The following ZNF639 variants were observed in gnomAD, a reference collection of about 807,000 sequenced individuals.
ZNF639 encodes zinc finger protein 639.
In ZNF639, 20 loss-of-function variants were observed where a neutral mutation model predicts 39.8. The ratio of observed to expected loss-of-function variants is 0.50; its 90% confidence interval spans 0.35 to 0.73. The LOEUF (loss-of-function observed/expected upper bound fraction) is 0.73. Among genes scored for constraint, ZNF639 ranks in the 30% least tolerant of loss-of-function variants. The probability of loss-of-function intolerance (pLI) is 0.00; values close to 1 mark genes in which losing one functional copy is unlikely to be tolerated. For synonymous variants in ZNF639, 176 were observed against 189.8 expected (o/e 0.93, Z 0.60); for missense variants, 477 against 566.2 (o/e 0.84, Z 1.60).
At chr3:179,324,285 G>A (rs1382283937) in intron 1 of ZNF639, among the ~76,000 whole-genome samples, 1 of 152,056 alleles carries the variant, frequency 6.6e-6, no homozygotes, top group East Asian at 1.9e-4. Flanking sequence ...TTTGTGCATA[G>A]ACTTTCTTGT....
At chr3:179,327,301 T>C (rs1727649830) in intron 1 of ZNF639, among the ~76,000 whole-genome samples, 1 of 152,082 alleles carries the variant, frequency 6.6e-6, no homozygotes, top group Non-Finnish European at 1.5e-5. Flanking sequence ...GATTTAACTA[T>C]AGGTCAGGCA....
At chr3:179,326,917 AGG>A (rs1299622352) in intron 1 of ZNF639, among the ~76,000 whole-genome samples, 1 of 151,964 alleles carries the variant, frequency 6.6e-6, no homozygotes, top group Non-Finnish European at 1.5e-5. Flanking sequence ...GGGCCAGGCA[AGG>A]TGACTCACGC....
At chr3:179,324,761 TCTTA>T (rs1292827853) in intron 1 of ZNF639, among the ~76,000 whole-genome samples, 2 of 152,190 alleles carry the variant, frequency 1.3e-5, no homozygotes, top group Admixed American at 1.3e-4. Flanking sequence ...GGTTTCCTTT[TCTTA>T]CTTTTATTCT....
chr3:179,336,355 T>G lies in ZNF639; in HGVS notation c.*1933T>G, dbSNP rs1387478063. ...ACATTATTTTTTAGGTTTATTGATA[T>G]AAGTGGAAGATCAATTTATGACCAA... On this transcript the variant is annotated 3_prime_UTR_variant, in exon 6 of 6. Coordinates refer to ENST00000496856, the MANE Select transcript of ZNF639 (RefSeq NM_001303426.2). 4 of 152,200 alleles carry G rather than the reference T, an allele frequency of 2.6e-5. No individual in the cohort carries two copies. The South Asian group carries it at 6.2e-4, about 24-fold the overall frequency. The allele number at this position is 152,200 out of a possible 1,614,324, so 9.4% of individuals were successfully genotyped here. A position where few individuals can be genotyped will look rare whatever the true frequency, so the allele number is the denominator to read the frequency against.
chr3:179,331,808 AG>A (rs1337360179), intron 4 of ZNF639, among the ~76,000 whole-genome samples: 1 of 151,026 alleles, frequency 6.6e-6, no homozygotes, highest in African/African-American at 2.4e-5. Context: ...ACAACTTTAT[AG>A]TGTTGAAACC....
intron 1 of ZNF639, among the ~76,000 whole-genome samples, chr3:179,326,941 G>A (rs1727627825): frequency 6.6e-6 from 1 of 152,044 alleles, no homozygotes; most frequent in Non-Finnish European, 1.5e-5. Context: ...TGTAATCCCA[G>A]CACTTTGGGA....
At chr3:179,330,273 A>G (rs1727835043) in intron 4 of ZNF639, among the ~76,000 whole-genome samples, 1 of 150,314 alleles carries the variant, frequency 6.7e-6, no homozygotes, top group Admixed American at 6.6e-5. Flanking sequence ...TCCTAAGTCC[A>G]TTTTTTGAAG....
At chr3:179,327,320 T>C (rs778119133) in intron 1 of ZNF639, among the ~76,000 whole-genome samples, 56 of 151,820 alleles carry the variant, frequency 3.7e-4, no homozygotes, top group Non-Finnish European at 6.0e-4. Flanking sequence ...CATGAGACTG[T>C]CTCAAAAAAA....
At chr3:179,324,998 G>A (rs1727506308) in intron 1 of ZNF639, 1 of 152,142 alleles carries the variant, frequency 6.6e-6, no homozygotes, top group Non-Finnish European at 1.5e-5. Context: ...TGTTAGGTGA[G>A]GCGTTTGATT....
At chr3:179,322,876 G>A, upstream of ZNF639, 5 of 985,358 alleles carry the variant, frequency 5.1e-6, no homozygotes, top group Non-Finnish European at 6.0e-6. Flanking sequence ...AGACTGCGGC[G>A]GCGCAAGGCC....
chr3:179,337,775 A>G lies in ZNF639; in HGVS notation c.*3353A>G, dbSNP rs760344565. On this transcript the variant is annotated 3_prime_UTR_variant, in exon 6 of 6. Coordinates refer to ENST00000496856, the MANE Select transcript of ZNF639 (RefSeq NM_001303426.2). ...TGCTTGAAGTAGTTGGTCTTTATTT[A>G]TTTATTTTTTGAGATGGAGCCTTGC... 2.9e-4 allele frequency: 44 copies of G among 150,684 alleles called. No individual in the cohort carries two copies. The highest frequency in any genetic ancestry group is 1.0e-3 in the African/African-American group (41 of 41,052). 9.3% of individuals were successfully genotyped at this position (150,684 alleles called of 1,614,324 possible).
At position 179,335,352 on chromosome 3, in the gene ZNF639, A is replaced by G. The variant is rs942648340; in HGVS notation, c.*930A>G. On this transcript the variant is annotated 3_prime_UTR_variant, in exon 6 of 6. Coordinates refer to ENST00000496856, the MANE Select transcript of ZNF639 (RefSeq NM_001303426.2). ...AGCAATCCTCCCACCTTGGCCTTCC[A>G]AATCACTGGGATTATAGGCATGAGC... is the stretch of plus-strand genomic sequence containing the variant. The G allele has an allele frequency of 6.6e-6, 1 of 152,232 alleles. No individual in the cohort carries two copies. The highest frequency in any genetic ancestry group is 1.5e-5 in the Non-Finnish European group (1 of 68,054). 9.4% of individuals were successfully genotyped at this position (152,232 alleles called of 1,614,324 possible). A position where few individuals can be genotyped will look rare whatever the true frequency, so the allele number is the denominator to read the frequency against.
In ZNF639 at chr3:179,336,354, A is replaced by G. The variant is rs1385333779; in HGVS notation, c.*1932A>G. 1 of 152,206 alleles carries G rather than the reference A, an allele frequency of 6.6e-6. No individual in the cohort carries two copies. Among genetic ancestry groups the G allele is most frequent in the East Asian group, 1.9e-4 (1 of 5,196 alleles). The allele number at this position is 152,206 out of a possible 1,614,324, so 9.4% of individuals were successfully genotyped here. ...AACATTATTTTTTAGGTTTATTGAT[A>G]TAAGTGGAAGATCAATTTATGACCA... On this transcript the variant is annotated 3_prime_UTR_variant, in exon 6 of 6. Coordinates refer to ENST00000496856, the MANE Select transcript of ZNF639 (RefSeq NM_001303426.2).
At position 179,338,231 on chromosome 3, in the gene ZNF639, G is replaced by A. The variant is rs141844205; in HGVS notation, c.*3809G>A. On this transcript the variant is annotated 3_prime_UTR_variant, in exon 6 of 6. Coordinates refer to ENST00000496856, the MANE Select transcript of ZNF639 (RefSeq NM_001303426.2). The stretch of plus-strand genomic sequence containing the variant: ...TCAAGTCTGAGATTACCTAACTGAT[G>A]ATGTTTATTAACACTTCAGTAGAAT... The A allele has an allele frequency of 2.0e-5, 3 of 152,316 alleles. No homozygotes were observed. The East Asian group carries it at 5.8e-4, about 29-fold the overall frequency. The allele number at this position is 152,316 out of a possible 1,614,324, so 9.4% of individuals were successfully genotyped here.
At chr3:179,331,146 T>C (rs1727881605) in intron 4 of ZNF639, among the ~76,000 whole-genome samples, 1 of 152,158 alleles carries the variant, frequency 6.6e-6, no homozygotes, top group Non-Finnish European at 1.5e-5. Flanking sequence ...ACACACGCAC[T>C]TGACAGGGGT....
Position 179,334,005 on chromosome 3 carries a change from A to C in ZNF639, c.1041A>C (p.Leu347Phe). The stretch of plus-strand genomic sequence containing the variant: ...AGCATGCATGTAAATTAATAGAGTT[A>C]AGTGATAAGTATAACAATGGTGAAC... Reference protein sequence around the residue: ...VNEHACKLIELSDKYNNGEHG... With the variant: ...VNEHACKLIEFSDKYNNGEHG... Residue 347 changes from leucine (L) to phenylalanine (F), a missense_variant, in exon 6 of 6, where the codon TTA becomes TTC. By Grantham distance (22) the Leu-to-Phe change is conservative (BLOSUM62 0). Transcript: ENST00000496856. 2 of 1,614,212 alleles carry C rather than the reference A, an allele frequency of 1.2e-6. No individual in the cohort carries two copies. The highest frequency in any genetic ancestry group is 1.7e-6 in the Non-Finnish European group (2 of 1,180,028).
In ZNF639 at chr3:179,333,692, C is replaced by G; in HGVS notation, c.728C>G (p.Ser243Cys). 6.2e-7 allele frequency: 1 copy of G among 1,614,146 alleles called. No individual in the cohort carries two copies. The highest frequency in any genetic ancestry group is 1.1e-5 in the South Asian group (1 of 91,082). The part of the protein sequence containing the change: ...NVCRVCKESF[S>C]TNMLLIEHAK... ...TGTCGAGTATGCAAGGAAAGTTTCT[C>G]TACCAATATGCTTCTGATAGAACAT... is the stretch of plus-strand genomic sequence containing the variant. The change falls in exon 6 of 6, where the codon TCT (serine) becomes TGT (cysteine). Residue 243 changes from serine to cysteine, a missense_variant. By Grantham distance (112) the Ser-to-Cys change is moderately radical. Transcript: ENST00000496856.
At chr3:179,324,906 A>G (rs923718552) in intron 1 of ZNF639, 1 of 152,260 alleles carries the variant, frequency 6.6e-6, no homozygotes, top group African/African-American at 2.4e-5. Flanking sequence ...GCTTTGGGCT[A>G]TATGAATCGT....
chr3:179,324,635 T>A (rs1727481217), intron 1 of ZNF639, among the ~76,000 whole-genome samples: 1 of 152,238 alleles, frequency 6.6e-6, no homozygotes, highest in African/African-American at 2.4e-5. Context: ...GATAGACATT[T>A]GGTTATCGTT....
Sources: allele counts gnomAD v4.1 joint callset (sites outside exome capture counted in the v4.1 genomes callset), GRCh38; gene constraint gnomAD v4.1.1; transcripts MANE v1.5; gene names NCBI Gene and HGNC (gene_info 2026-07-23, HGNC 2026-07-21).